ECM2: variants seen among roughly 807,000 people sequenced by gnomAD.
The protein encoded by ECM2 is extracellular matrix protein 2, female organ and adipocyte specific.
Under a neutral mutation model 67.5 loss-of-function variants are expected in ECM2, and 57 were observed. The observed-to-expected ratio is 0.84, with a 90% CI of 0.68 to 1.05. The LOEUF (loss-of-function observed/expected upper bound fraction) is 1.05, where lower values mean the gene tolerates loss of function less well. Among genes scored for constraint, ECM2 ranks in the 50% least tolerant of loss-of-function variants. ECM2 has a pLI of 0.00. For synonymous variants in ECM2, 258 were observed against 294.5 expected (o/e 0.88, Z 1.27); for missense variants, 741 against 822.8 (o/e 0.90, Z 1.22).
At chr9:92,540,451 A>G (rs565462698), upstream of ECM2, among the ~76,000 whole-genome samples, 28 of 149,418 alleles carry the variant, frequency 1.9e-4, no homozygotes, top group African/African-American at 7.0e-4. Context: ...AAAAAAAAAA[A>G]TGAGATCACA....
At chr9:92,506,142 GGTGGGTAGAA>G (rs889973802) in intron 6 of ECM2, among the ~76,000 whole-genome samples, 1 of 152,176 alleles carries the variant, frequency 6.6e-6, no homozygotes, top group Non-Finnish European at 1.5e-5. Context: ...TAGGCAATGG[GGTGGGTAGAA>G]GTTTAATGCA....
chr9:92,544,883 A>T, the ECM2 span, among the ~76,000 whole-genome samples: 2 of 150,798 alleles, frequency 1.3e-5, no homozygotes, highest in Non-Finnish European at 3.0e-5. Context: ...ACCCAGCTAA[A>T]TTTTTTTTTG....
chr9:92,529,190 A>G (rs1848595041), intron 1 of ECM2, among the ~76,000 whole-genome samples: 1 of 152,230 alleles, frequency 6.6e-6, no homozygotes, highest in Admixed American at 6.5e-5. Flanking sequence ...TGTCATCCAA[A>G]ATTTCAACAC....
the ECM2 span, among the ~76,000 whole-genome samples, chr9:92,548,254 T>C: frequency 2.0e-5 from 3 of 152,198 alleles, no homozygotes; most frequent in Non-Finnish European, 4.4e-5. Context: ...GAAAGCTCTC[T>C]TGCTGGTACT....
At chr9:92,528,004 G>GT (rs1848520049) in intron 1 of ECM2, 1 of 151,708 alleles carries the variant, frequency 6.6e-6, no homozygotes, top group Non-Finnish European at 1.5e-5. Context: ...CGACCATGAT[G>GT]TAACTTCAGA....
intron 1 of ECM2, among the ~76,000 whole-genome samples, chr9:92,532,022 T>TTTA: frequency 7.8e-6 from 1 of 127,982 alleles, no homozygotes; most frequent in East Asian, 2.0e-4. Context: ...AATGTTTTTT[T>TTTA]TTTTTTATTT....
rs137948457 is a variant in ECM2 at position 92,522,682 on chromosome 9, G to A, written c.185C>T (p.Thr62Ile). The change falls in exon 2 of 10, where the codon ACA becomes ATA. Residue 62 changes from threonine (T) to isoleucine (I), a missense_variant. Physicochemically the swap from Thr to Ile is moderately conservative, Grantham distance 89 (BLOSUM62 -1). Transcript: ENST00000344604. ...AACAATAGGAAGTCTTGCTACTGGT[G>A]TAAAAACTGTTGTTTGCTGAATTCC... ...QLGIQQTTVF[T>I]PVARLPIVNF... 9.3e-6 allele frequency: 15 copies of A among 1,614,014 alleles called. No individual in the cohort carries two copies. The African/African-American group carries it at 1.9e-4, about 20-fold the overall frequency.
chr9:92,545,292 C>T, the ECM2 span, among the ~76,000 whole-genome samples: 1 of 151,998 alleles, frequency 6.6e-6, no homozygotes, highest in African/African-American at 2.4e-5. Context: ...GGGCGGGAAC[C>T]AGGGCTGCGT....
the ECM2 span, among the ~76,000 whole-genome samples, chr9:92,548,224 T>TTTTGA: frequency 5.0e-4 from 76 of 151,760 alleles, 1 homozygote; most frequent in Middle Eastern, 0.014. Context: ...TTGTGGGGTC[T>TTTTGA]TTCACTGCTG....
At chr9:92,522,065 GTTGTTTTGTT>G (rs538087449) in intron 2 of ECM2, among the ~76,000 whole-genome samples, 190 of 152,008 alleles carry the variant, frequency 1.2e-3, no homozygotes, top group East Asian at 9.1e-3. Context: ...TTTTTTGGGG[GTTGTTTTGTT>G]TTGTTTTGTT....
Position 92,515,138 on chromosome 9 carries a change from C to T in ECM2, c.547G>A (p.Glu183Lys). The change falls in exon 4 of 10, where the codon GAA becomes AAA. Residue 183 changes from glutamate (E) to lysine (K), a missense_variant. By Grantham distance (56) the Glu-to-Lys change is moderately conservative. Transcript: ENST00000344604. ...DRNEFSGDSS[E>K]QREPTNLLHK... ...AGTAAATTGGTAGGTTCTCTTTGTT[C>T]TGAAGAATCACCAGAAAATTCATTT... is the stretch of plus-strand genomic sequence containing the variant. 6.2e-7 allele frequency: 1 copy of T among 1,611,330 alleles called. No homozygotes were observed.
At chr9:92,503,991 T>G (rs1399724199) in intron 7 of ECM2, among the ~76,000 whole-genome samples, 1 of 152,230 alleles carries the variant, frequency 6.6e-6, no homozygotes, top group Non-Finnish European at 1.5e-5. Context: ...GTATGCCCAG[T>G]GCTTTCCAGA....
the ECM2 span, among the ~76,000 whole-genome samples, chr9:92,548,562 A>G: frequency 6.6e-6 from 1 of 152,264 alleles, no homozygotes; most frequent in Non-Finnish European, 1.5e-5. Flanking sequence ...AACAAGTTAT[A>G]CTGCCTAGAA....
chr9:92,499,254 G>A (rs535263632), intron 9 of ECM2, among the ~76,000 whole-genome samples: 11 of 152,076 alleles, frequency 7.2e-5, no homozygotes, highest in South Asian at 2.1e-4. Flanking sequence ...ACAAAATAAA[G>A]CAAAAACATT....
At position 92,495,335 on chromosome 9, in the gene ECM2, A is replaced by G. The variant is rs1292594848; in HGVS notation, c.*980T>C. 3.3e-6 allele frequency: 3 copies of G among 916,706 alleles called. No individual in the cohort carries two copies. In the African/African-American group the frequency reaches 5.4e-5, roughly 16 times the overall value. 56.8% of individuals were successfully genotyped at this position (916,706 alleles called of 1,614,324 possible). On this transcript the variant is annotated 3_prime_UTR_variant, in exon 10 of 10. Coordinates refer to ENST00000344604, the MANE Select transcript of ECM2 (RefSeq NM_001393.4). ...AATCATTATGTTAGAAAATTTTAATATATGATTTTGGTAGGGCCAATACAT... is the reference window on the plus strand; with the variant it reads ...AATCATTATGTTAGAAAATTTTAATGTATGATTTTGGTAGGGCCAATACAT...
intron 8 of ECM2, 77 bp downstream of exon 8, chr9:92,502,436 C>G: frequency 6.5e-7 from 1 of 1,537,362 alleles, no homozygotes; most frequent in Non-Finnish European, 8.9e-7. Flanking sequence ...TATCCCATTC[C>G]CAGTTTCCAT....
chr9:92,530,603 T>C (rs1163840774), intron 1 of ECM2, among the ~76,000 whole-genome samples: 2 of 152,194 alleles, frequency 1.3e-5, no homozygotes, highest in African/African-American at 4.8e-5. Context: ...CGTTATATCT[T>C]TCTGGTGCAT....
the ECM2 span, among the ~76,000 whole-genome samples, chr9:92,554,251 T>C: frequency 1.3e-5 from 2 of 152,060 alleles, no homozygotes; most frequent in Non-Finnish European, 2.9e-5. Flanking sequence ...TGGCACAATC[T>C]TGGCTCACTG....
At chr9:92,537,791 T>G (rs1366231292), upstream of ECM2, among the ~76,000 whole-genome samples, 2 of 152,092 alleles carry the variant, frequency 1.3e-5, no homozygotes, top group African/African-American at 4.8e-5. Context: ...TCAGTAACAG[T>G]CAAGAAAAGT....
Sources: allele counts gnomAD v4.1 joint callset (sites outside exome capture counted in the v4.1 genomes callset), GRCh38; gene constraint gnomAD v4.1.1; transcripts MANE v1.5; gene names NCBI Gene and HGNC (gene_info 2026-07-23, HGNC 2026-07-21).